Variants in HS6ST3 observed in about 807,000 individuals in gnomAD.
HS6ST3 encodes the protein heparan sulfate 6-O-sulfotransferase 3.
In HS6ST3, 12 loss-of-function variants were observed where a neutral mutation model predicts 36.7. That is an observed-to-expected ratio of 0.33 (90% CI 0.21 to 0.53). The LOEUF (loss-of-function observed/expected upper bound fraction) is 0.53, where lower values mean the gene tolerates loss of function less well. Ranked by LOEUF, HS6ST3 falls within the 20% of genes least tolerant of loss-of-function variation. HS6ST3 has a pLI of 0.95. For missense variants in HS6ST3, 584 were observed against 640.9 expected (o/e 0.91, Z 0.96); for synonymous variants, 240 against 257.5 (o/e 0.93, Z 0.65).
intron 1 of HS6ST3, among the ~76,000 whole-genome samples, chr13:96,765,219 G>C (rs911922277): frequency 1.8e-4 from 27 of 152,098 alleles, no homozygotes; most frequent in Admixed American, 3.9e-4. Flanking sequence ...GACTAAGGCA[G>C]CCGCCACCGC....
chr13:96,382,874 T>C (rs2055348163), intron 1 of HS6ST3, among the ~76,000 whole-genome samples: 1 of 152,224 alleles, frequency 6.6e-6, no homozygotes, highest in Non-Finnish European at 1.5e-5. Flanking sequence ...AATTTAATTT[T>C]TCATTGTTGC....
intron 1 of HS6ST3, among the ~76,000 whole-genome samples, chr13:96,689,856 A>G (rs1763702): frequency 0.99 from 149,714 of 151,992 alleles, 73,773 homozygotes; most frequent in Middle Eastern, 1. Context: ...ACTATGCAGT[A>G]TCCAGTTTTG....
At chr13:96,314,113 A>G (rs2054955969) in intron 1 of HS6ST3, among the ~76,000 whole-genome samples, 2 of 152,150 alleles carry the variant, frequency 1.3e-5, no homozygotes, top group Non-Finnish European at 2.9e-5. Flanking sequence ...AGGCAGGAGA[A>G]TTGCTTGAAC....
At chr13:96,782,163 C>T (rs1454821085) in intron 1 of HS6ST3, among the ~76,000 whole-genome samples, 1 of 152,146 alleles carries the variant, frequency 6.6e-6, no homozygotes, top group Non-Finnish European at 1.5e-5. Flanking sequence ...AGAACACAAT[C>T]AATTTACCAA....
chr13:96,541,274 T>C (rs2056176598), intron 1 of HS6ST3, among the ~76,000 whole-genome samples: 1 of 152,076 alleles, frequency 6.6e-6, no homozygotes. Context: ...TGACCTCAAA[T>C]GATCCACCCG....
intron 1 of HS6ST3, among the ~76,000 whole-genome samples, chr13:96,354,223 T>C (rs1262615183): frequency 6.6e-6 from 1 of 152,178 alleles, no homozygotes; most frequent in Non-Finnish European, 1.5e-5. Context: ...TATGCTGATA[T>C]GAAAAGTGAT....
At chr13:96,330,852 T>A (rs1207647266) in intron 1 of HS6ST3, among the ~76,000 whole-genome samples, 1 of 150,550 alleles carries the variant, frequency 6.6e-6, no homozygotes, top group Non-Finnish European at 1.5e-5. Context: ...TTTCACATAG[T>A]CCCATATTTC....
At chr13:96,454,484 C>T (rs1165632205) in intron 1 of HS6ST3, among the ~76,000 whole-genome samples, 1 of 152,084 alleles carries the variant, frequency 6.6e-6, no homozygotes, top group Non-Finnish European at 1.5e-5. Context: ...AATTACCATG[C>T]GGCACAATGA....
chr13:96,252,623 G>A (rs1202984929), intron 1 of HS6ST3, among the ~76,000 whole-genome samples: 1 of 152,132 alleles, frequency 6.6e-6, no homozygotes, highest in Non-Finnish European at 1.5e-5. Context: ...GTTGAGATCC[G>A]TGTGCTGTTT....
At chr13:96,635,677 C>T (rs1389098373) in intron 1 of HS6ST3, among the ~76,000 whole-genome samples, 1 of 152,112 alleles carries the variant, frequency 6.6e-6, no homozygotes, top group African/African-American at 2.4e-5. Context: ...AAGTATACAA[C>T]CTCATCTTCT....
intron 1 of HS6ST3, among the ~76,000 whole-genome samples, chr13:96,701,273 AC>A (rs1184133504): frequency 2.6e-5 from 4 of 152,226 alleles, no homozygotes; most frequent in Non-Finnish European, 5.9e-5. Flanking sequence ...CATCTAAGAT[AC>A]TACGTGCAAT....
At chr13:96,730,116 T>C (rs9556617) in intron 1 of HS6ST3, among the ~76,000 whole-genome samples, 31,216 of 152,152 alleles carry the variant, frequency 0.21, 3,676 homozygotes, top group Admixed American at 0.29. Flanking sequence ...CTGTTTTCAC[T>C]GGTGAGCTTG....
At chr13:96,447,718 G>C (rs2055706032) in intron 1 of HS6ST3, among the ~76,000 whole-genome samples, 1 of 152,104 alleles carries the variant, frequency 6.6e-6, no homozygotes, top group Non-Finnish European at 1.5e-5. Context: ...TGACATGCCT[G>C]GTTAAACCAA....
At chr13:96,762,491 C>G (rs560394171) in intron 1 of HS6ST3, among the ~76,000 whole-genome samples, 1 of 152,112 alleles carries the variant, frequency 6.6e-6, no homozygotes, top group East Asian at 1.9e-4. Flanking sequence ...AAAAACAAAA[C>G]AAAAAATGCT....
intron 1 of HS6ST3, among the ~76,000 whole-genome samples, chr13:96,284,138 G>A (rs1308608819): frequency 2.0e-5 from 3 of 152,096 alleles, no homozygotes; most frequent in South Asian, 2.1e-4. Flanking sequence ...TCTAAAAGCC[G>A]TGAGGTGATA....
chr13:96,244,310 G>A (rs184875758), intron 1 of HS6ST3, among the ~76,000 whole-genome samples: 2 of 152,230 alleles, frequency 1.3e-5, no homozygotes, highest in East Asian at 1.9e-4. Flanking sequence ...TTGACAAAGC[G>A]ATCACTTTGT....
At chr13:96,530,012 T>A (rs1303490128) in intron 1 of HS6ST3, among the ~76,000 whole-genome samples, 1 of 152,186 alleles carries the variant, frequency 6.6e-6, no homozygotes, top group East Asian at 1.9e-4. Flanking sequence ...GGGGCTGATC[T>A]TCAAGTTCTA....
intron 1 of HS6ST3, among the ~76,000 whole-genome samples, chr13:96,141,551 C>T (rs1388652621): frequency 6.6e-6 from 1 of 152,040 alleles, no homozygotes; most frequent in African/African-American, 2.4e-5. Flanking sequence ...TGGTCTCGAA[C>T]TCCTGGCCTC....
At chr13:96,489,170 T>C (rs1324155644) in intron 1 of HS6ST3, among the ~76,000 whole-genome samples, 1 of 151,658 alleles carries the variant, frequency 6.6e-6, no homozygotes, top group Admixed American at 6.6e-5. Flanking sequence ...CCTCTATTAG[T>C]TTTCATCCCT....
Sources: allele counts gnomAD v4.1 joint callset (sites outside exome capture counted in the v4.1 genomes callset), GRCh38; gene constraint gnomAD v4.1.1; transcripts MANE v1.5; gene names NCBI Gene and HGNC (gene_info 2026-07-23, HGNC 2026-07-21).